PICALM: variants seen among roughly 807,000 people sequenced by gnomAD.
PICALM encodes phosphatidylinositol-binding clathrin assembly protein.
PICALM carries 40 observed loss-of-function variants against 80.5 expected under a neutral mutation model. The ratio of observed to expected loss-of-function variants is 0.50; its 90% CI spans 0.39 to 0.65. The LOEUF (loss-of-function observed/expected upper bound fraction) is 0.65. Ranked by LOEUF, PICALM falls within the 30% of genes least tolerant of loss-of-function variation. PICALM has a pLI of 0.00. For synonymous variants in PICALM, 288 were observed against 260.3 expected (o/e 1.11, Z -1.02); for missense variants, 676 against 778.9 (o/e 0.87, Z 1.57).
intron 4 of PICALM, among the ~76,000 whole-genome samples, chr11:86,018,838 A>G (rs2095520828): frequency 6.6e-6 from 1 of 151,918 alleles, no homozygotes; most frequent in Admixed American, 6.6e-5. Context: ...GCAGTGAGCC[A>G]AGAGCACGCC....
chr11:86,035,142 A>T (rs1407079753), intron 1 of PICALM, among the ~76,000 whole-genome samples: 1 of 151,898 alleles, frequency 6.6e-6, no homozygotes, highest in Non-Finnish European at 1.5e-5. Context: ...TTTTTTAACA[A>T]AGTACAAAAA....
At chr11:85,985,281 G>C (rs149931715) in intron 13 of PICALM, among the ~76,000 whole-genome samples, 1 of 152,160 alleles carries the variant, frequency 6.6e-6, no homozygotes, top group African/African-American at 2.4e-5. Context: ...ACAAGATTTG[G>C]TGAGATGTCC....
chr11:86,023,453 C>G, intron 3 of PICALM: 11 of 985,218 alleles, frequency 1.1e-5, no homozygotes, highest in Non-Finnish European at 1.3e-5. Flanking sequence ...TGCTCACATT[C>G]CTCAGCTCTT....
At position 86,022,444 on chromosome 11, in the gene PICALM, C is replaced by A; in HGVS notation, c.375G>T (p.Arg125Ser). ...TCTCATTTAAATATCTACTATACCG[C>A]CTAATAAATGTAGACATGTCATATC... ...LQGYDMSTFI[R>S]RYSRYLNEKA... Residue 125 changes from arginine (R) to serine (S), a missense_variant, in exon 4 of 20, where the codon AGG (arginine) becomes AGT (serine). Arg to Ser is a moderately radical substitution (Grantham distance 110, BLOSUM62 -1). Around this residue, in one of 2 missense-constraint regions of PICALM, gnomAD observed 285 missense variants for 395.4 expected, o/e 0.72. Transcript: ENST00000393346. The A allele has an allele frequency of 6.4e-7, 1 of 1,567,826 alleles. No homozygotes were observed. The highest frequency in any genetic ancestry group is 8.7e-7 in the Non-Finnish European group (1 of 1,155,528).
intron 1 of PICALM, among the ~76,000 whole-genome samples, chr11:86,047,870 C>T (rs2096103018): frequency 1.3e-5 from 2 of 152,048 alleles, no homozygotes; most frequent in African/African-American, 2.4e-5. Context: ...GAGGCTGAGG[C>T]GGGCAGATCA....
At chr11:85,974,286 GGA>G (rs2094202615) in intron 19 of PICALM, among the ~76,000 whole-genome samples, 1 of 152,046 alleles carries the variant, frequency 6.6e-6, no homozygotes, top group African/African-American at 2.4e-5. Context: ...AAAACTTTTT[GGA>G]GAGTTGCCAA....
chr11:85,981,606 C>CAAAA (rs1178283265), intron 16 of PICALM, 139 bp downstream of exon 16: 3 of 544,552 alleles, frequency 5.5e-6, no homozygotes, highest in Non-Finnish European at 6.2e-6. Context: ...GACTCCGTGT[C>CAAAA]AAAAAAAAAA....
chr11:86,040,389 G>A (rs1013442793), intron 1 of PICALM, among the ~76,000 whole-genome samples: 6 of 151,864 alleles, frequency 4.0e-5, no homozygotes, highest in East Asian at 1.9e-4. Context: ...TTATAGAGAC[G>A]AGGTCTCCCC....
At chr11:86,047,209 T>C (rs1421541312) in intron 1 of PICALM, among the ~76,000 whole-genome samples, 3 of 152,238 alleles carry the variant, frequency 2.0e-5, no homozygotes, top group Admixed American at 6.5e-5. Context: ...TATCATTTTC[T>C]CTAATTACTC....
intron 3 of PICALM, among the ~76,000 whole-genome samples, chr11:86,024,780 T>C (rs971142108): frequency 4.6e-5 from 7 of 152,212 alleles, no homozygotes; most frequent in African/African-American, 1.4e-4. Context: ...AATACTCATA[T>C]CCATGTGAAT....
intron 1 of PICALM, among the ~76,000 whole-genome samples, chr11:86,032,084 T>C (rs1331058906): frequency 6.6e-6 from 1 of 152,148 alleles, no homozygotes; most frequent in Admixed American, 6.5e-5. Context: ...ACATCCACCC[T>C]AGAATGCTGT....
chr11:86,056,402 G>A (rs2096270674), intron 1 of PICALM, among the ~76,000 whole-genome samples: 1 of 146,910 alleles, frequency 6.8e-6, no homozygotes, highest in African/African-American at 2.4e-5. Flanking sequence ...ACCACATAAA[G>A]AAATGCTAAA....
intron 19 of PICALM, among the ~76,000 whole-genome samples, chr11:85,963,920 CTTTT>C (rs10686143): frequency 3.0e-4 from 22 of 72,890 alleles, no homozygotes; most frequent in East Asian, 1.9e-3. Context: ...CCACACCTGG[CTTTT>C]TTTTTTTTTT....
chr11:86,040,758 G>C (rs1396076782), intron 1 of PICALM, among the ~76,000 whole-genome samples: 1 of 152,096 alleles, frequency 6.6e-6, no homozygotes, highest in Non-Finnish European at 1.5e-5. Flanking sequence ...CTTTAAGTGA[G>C]ACACAGGATG....
intron 4 of PICALM, among the ~76,000 whole-genome samples, chr11:86,017,982 G>C (rs953536937): frequency 6.6e-6 from 1 of 152,188 alleles, no homozygotes; most frequent in African/African-American, 2.4e-5. Context: ...TCTGAGTAAA[G>C]TATACAGAAG....
chr11:85,962,236 A>G (rs1009543941), intron 19 of PICALM, among the ~76,000 whole-genome samples: 1 of 152,202 alleles, frequency 6.6e-6, no homozygotes, highest in Non-Finnish European at 1.5e-5. Flanking sequence ...ACGGCCAATC[A>G]AAAGCACAAC....
At chr11:86,004,270 T>A (rs959972410) in intron 8 of PICALM, among the ~76,000 whole-genome samples, 1 of 152,098 alleles carries the variant, frequency 6.6e-6, no homozygotes, top group African/African-American at 2.4e-5. Flanking sequence ...TTCAACAACA[T>A]AGATCTCAAA....
Position 86,068,845 on chromosome 11 carries a change from G to A in PICALM, c.-65C>T, listed in dbSNP as rs2096484766. On this transcript the variant is annotated 5_prime_UTR_variant, in exon 1 of 20. Transcript: ENST00000393346. ...GCGGGGACTGGGACCCCCAAGAGCCGGAGGGTCCCCACCCCCCACCGCACC... is the reference window on the plus strand; with the variant it reads ...GCGGGGACTGGGACCCCCAAGAGCCAGAGGGTCCCCACCCCCCACCGCACC... The A allele has an allele frequency of 2.7e-6, 4 of 1,508,892 alleles. No individual in the cohort carries two copies. The highest frequency in any genetic ancestry group is 3.5e-6 in the Non-Finnish European group (4 of 1,131,064). The allele number at this position is 1,508,892 out of a possible 1,614,324, so 93.5% of individuals were successfully genotyped here.
intron 1 of PICALM, among the ~76,000 whole-genome samples, chr11:86,045,563 A>G (rs2096059855): frequency 6.7e-6 from 1 of 149,894 alleles, no homozygotes; most frequent in Admixed American, 6.7e-5. Flanking sequence ...TATAACCCAC[A>G]TTCACCTATT....
Sources: allele counts gnomAD v4.1 joint callset (sites outside exome capture counted in the v4.1 genomes callset), GRCh38; gene constraint gnomAD v4.1.1; regional missense constraint gnomAD v4.1.1; transcripts MANE v1.5; gene names NCBI Gene and HGNC (gene_info 2026-07-23, HGNC 2026-07-21).